Variants in SMARCAD1 observed in about 807,000 individuals in gnomAD.
SMARCAD1 encodes SNF2 related chromatin remodeling ATPase with DExD box 1.
A neutral mutation model predicts 127.1 loss-of-function variants in SMARCAD1; 25 were observed. That is an observed-to-expected ratio of 0.20 (90% CI 0.14 to 0.27). SMARCAD1 has a LOEUF of 0.27. SMARCAD1 is among the 10% of genes least tolerant of loss of function. The probability of loss-of-function intolerance (pLI) is 1.00; values close to 1 mark genes in which losing one functional copy is unlikely to be tolerated. For synonymous variants in SMARCAD1, 400 were observed against 396.9 expected (o/e 1.01, Z -0.09); for missense variants, 807 against 1,206.0 (o/e 0.67, Z 4.90).
chr4:94,252,589 G>A (rs758871813), intron 8 of SMARCAD1, 27 bp from the exon 9 acceptor site: 7 of 1,422,166 alleles, frequency 4.9e-6, no homozygotes, highest in African/African-American at 4.4e-5. Flanking sequence ...TTCTAATTTA[G>A]TTACTGTTTT....
At chr4:94,222,105 G>A (rs1268515871) in intron 2 of SMARCAD1, among the ~76,000 whole-genome samples, 1 of 152,122 alleles carries the variant, frequency 6.6e-6, no homozygotes, top group East Asian at 1.9e-4. Flanking sequence ...TACGGAGAGG[G>A]TACCCCTCCC....
At chr4:94,264,994 T>TA in intron 10 of SMARCAD1, 88 bp downstream of exon 10, 1 of 1,292,700 alleles carries the variant, frequency 7.7e-7, no homozygotes, top group Non-Finnish European at 1.1e-6. Flanking sequence ...TAGAAAGTGA[T>TA]ATGGCAACTA....
intron 9 of SMARCAD1, among the ~76,000 whole-genome samples, chr4:94,254,889 GATTT>G (rs1342602350): frequency 6.6e-6 from 1 of 152,018 alleles, no homozygotes; most frequent in Non-Finnish European, 1.5e-5. Flanking sequence ...TTTTAAATGT[GATTT>G]ATTTATAGAG....
intron 23 of SMARCAD1, among the ~76,000 whole-genome samples, chr4:94,287,989 A>C (rs764732491): frequency 3.3e-5 from 5 of 151,964 alleles, no homozygotes; most frequent in African/African-American, 4.8e-5. Context: ...CATCTCTATT[A>C]AAATATATAT....
intron 12 of SMARCAD1, among the ~76,000 whole-genome samples, chr4:94,274,496 T>A (rs1193980385): frequency 1.3e-5 from 2 of 152,120 alleles, no homozygotes; most frequent in African/African-American, 2.4e-5. Flanking sequence ...TTTGTATTTT[T>A]AGTGGAGATG....
At chr4:94,222,963 C>CA (rs1180918095) in intron 2 of SMARCAD1, among the ~76,000 whole-genome samples, 3 of 150,058 alleles carry the variant, frequency 2.0e-5, no homozygotes, top group East Asian at 2.0e-4. Context: ...GACTCTGTCT[C>CA]AAAAAAAATA....
chr4:94,212,701 A>T (rs1216815816), intron 2 of SMARCAD1, among the ~76,000 whole-genome samples: 1 of 152,066 alleles, frequency 6.6e-6, no homozygotes, highest in Non-Finnish European at 1.5e-5. Context: ...TAGCCAGGCT[A>T]GTCTCAAACT....
At chr4:94,282,375 C>T (rs1488744190) in intron 21 of SMARCAD1, among the ~76,000 whole-genome samples, 3 of 151,646 alleles carry the variant, frequency 2.0e-5, no homozygotes, top group African/African-American at 7.3e-5. Flanking sequence ...GGATTACAGG[C>T]GTGAGCCACC....
At chr4:94,260,094 C>G (rs1750731526) in intron 9 of SMARCAD1, among the ~76,000 whole-genome samples, 1 of 152,098 alleles carries the variant, frequency 6.6e-6, no homozygotes, top group African/African-American at 2.4e-5. Flanking sequence ...TGTTCTATAA[C>G]TCTCCTGTCT....
intron 23 of SMARCAD1, among the ~76,000 whole-genome samples, chr4:94,285,531 A>C (rs1455807022): frequency 6.6e-6 from 1 of 152,132 alleles, no homozygotes; most frequent in African/African-American, 2.4e-5. Flanking sequence ...GAAATAAGCA[A>C]GTTTTTTCAT....
At chr4:94,255,256 T>G (rs1055786456) in intron 9 of SMARCAD1, among the ~76,000 whole-genome samples, 1 of 152,074 alleles carries the variant, frequency 6.6e-6, no homozygotes, top group East Asian at 1.9e-4. Flanking sequence ...TCTTACTTAG[T>G]CTTAAGAATT....
At chr4:94,217,684 T>C (rs1054519591) in intron 2 of SMARCAD1, among the ~76,000 whole-genome samples, 2 of 152,158 alleles carry the variant, frequency 1.3e-5, no homozygotes, top group African/African-American at 4.8e-5. Flanking sequence ...AATTCAAGGG[T>C]GCTTGGAAAG....
rs551122300 is a variant in SMARCAD1, at chr4:94,240,659, T to C, written c.605-247T>C. ...AGAATTACTCATCAATTTAGAGATG[T>C]ATATTTTTAGATTAAATAATGTGAT... is the stretch of plus-strand genomic sequence containing the variant. On this transcript the variant is annotated intron_variant, in intron 5 of 23. Transcript: ENST00000354268. Among the ~76,000 whole-genome samples, 35 of 152,342 alleles carry C rather than the reference T, an allele frequency of 2.3e-4. 2 individuals are homozygous for C. In the East Asian group the frequency reaches 6.7e-3, roughly 29 times the overall value.
Position 94,240,900 on chromosome 4 carries a change from T to C in SMARCAD1, c.605-6T>C. On this transcript the variant is annotated splice_region_variant and splice_polypyrimidine_tract_variant and intron_variant, in intron 5 of 23. Coordinates refer to ENST00000354268, the MANE Select transcript of SMARCAD1 (RefSeq NM_020159.5). ...AAAGTTTGAGTGTGCTGCTCTGCTT[T>C]AAAAGGTGGTGGGCCCAGGAAAAGA... is the stretch of plus-strand genomic sequence containing the variant. 1 of 1,610,802 alleles carries C rather than the reference T, an allele frequency of 6.2e-7. No homozygotes were observed. Among genetic ancestry groups the C allele is most frequent in the Non-Finnish European group, 8.5e-7 (1 of 1,177,304 alleles).
chr4:94,277,227 G>C, intron 16 of SMARCAD1, 68 bp downstream of exon 16: 1 of 1,568,864 alleles, frequency 6.4e-7, no homozygotes. Context: ...TCTTCTGTTA[G>C]GTCTCTTTTG....
rs1323614393 is a variant in SMARCAD1, at chr4:94,290,502, G to T, written c.*968G>T. 2.2e-6 allele frequency: 1 copy of T among 454,292 alleles called. No individual in the cohort carries two copies. The highest frequency in any genetic ancestry group is 4.4e-6 in the Non-Finnish European group (1 of 226,754). The allele number at this position is 454,292 out of a possible 1,614,324, so 28.1% of individuals were successfully genotyped here. On this transcript the variant is annotated 3_prime_UTR_variant, in exon 24 of 24. Coordinates refer to ENST00000354268, the MANE Select transcript of SMARCAD1 (RefSeq NM_020159.5). ...GTGACTTCATCTAAAGGCAGCATTA[G>T]GTACTGCATGGAAATAGGTCATTAA...
At chr4:94,276,243 G>A (rs182768487) in intron 14 of SMARCAD1, 96 bp from the exon 15 acceptor site, 292 of 1,340,684 alleles carry the variant, frequency 2.2e-4, no homozygotes, top group Non-Finnish European at 2.9e-4. Context: ...TGTTAGAAAT[G>A]TGTAAATAAA....
chr4:94,277,353 A>G (rs1055269116), intron 16 of SMARCAD1, among the ~76,000 whole-genome samples, 194 bp downstream of exon 16: 2 of 151,840 alleles, frequency 1.3e-5, no homozygotes, highest in African/African-American at 4.9e-5. Flanking sequence ...CAATTTCCCT[A>G]ATCAATGGCC....
At chr4:94,247,318 C>A (rs1010027238) in intron 6 of SMARCAD1, among the ~76,000 whole-genome samples, 1 of 152,138 alleles carries the variant, frequency 6.6e-6, no homozygotes, top group African/African-American at 2.4e-5. Context: ...GAGACAGATA[C>A]AGTCCCAAAT....
Sources: gnomAD v4.1 joint callset for allele counts (sites outside exome capture counted in the v4.1 genomes callset) on GRCh38, gnomAD v4.1.1 for gene constraint, MANE v1.5 for transcripts, NCBI Gene and HGNC (gene_info 2026-07-23, HGNC 2026-07-21) for gene names.